Variants in PLCXD1 observed in about 807,000 individuals in gnomAD.
The protein encoded by PLCXD1 is PI-PLC X domain-containing protein 1.
A neutral mutation model predicts 37.8 loss-of-function variants in PLCXD1; 45 were observed. That is an observed-to-expected ratio of 1.19 (90% CI 0.94 to 1.53). The LOEUF (loss-of-function observed/expected upper bound fraction) is 1.53. PLCXD1 is among the 40% of genes most tolerant of loss of function. The probability of loss-of-function intolerance (pLI) is 0.00; values close to 1 mark genes in which losing one functional copy is unlikely to be tolerated. For synonymous variants in PLCXD1, 246 were observed against 206.9 expected, an observed-to-expected ratio of 1.19 and a Z score of -1.62; for missense variants, 539 against 454.7, an observed-to-expected ratio of 1.19 and a Z score of -1.69.
chrX:281,159 G>T (rs1398845604), upstream of PLCXD1: 1 of 198,466 alleles, frequency 5.0e-6, no homozygotes, highest in Admixed American at 6.1e-5. Context: ...AGGCGGAGCG[G>T]GGGGCGTGCA....
intron 6 of PLCXD1, among the ~76,000 whole-genome samples, chrX:297,014 A>C (rs28662457): frequency 0.064 from 1,632 of 25,342 alleles, 378 homozygotes; most frequent in African/African-American, 0.18. Context: ...ATCTTTGGGG[A>C]CATTATCCTG....
upstream of PLCXD1, among the ~76,000 whole-genome samples, chrX:278,618 A>C: frequency 6.6e-6 from 1 of 151,478 alleles, no homozygotes; most frequent in East Asian, 2.0e-4. Context: ...GGGCGCCTGT[A>C]GTCCCAGCTA....
chrX:281,240 C>A, upstream of PLCXD1: 1 of 228,572 alleles, frequency 4.4e-6, no homozygotes, highest in Non-Finnish European at 8.8e-6. Context: ...TCCTGGGGAC[C>A]CGGAGCCGCG....
At chrX:290,549 G>C in intron 3 of PLCXD1, 99 bp from the exon 4 acceptor site, 1 of 1,295,120 alleles carries the variant, frequency 7.7e-7, no homozygotes, top group Admixed American at 1.9e-5. Flanking sequence ...GTCCCAGTGG[G>C]CAGCAGGACA....
At chrX:292,066 C>T (rs1352933940) in intron 5 of PLCXD1, among the ~76,000 whole-genome samples, 4 of 152,090 alleles carry the variant, frequency 2.6e-5, no homozygotes, top group Non-Finnish European at 5.9e-5. Flanking sequence ...CTTTGGGAGG[C>T]CGAGGCGGGC....
intron 2 of PLCXD1, among the ~76,000 whole-genome samples, chrX:284,866 G>A (rs1213457700): frequency 1.3e-5 from 2 of 152,214 alleles, no homozygotes; most frequent in African/African-American, 4.8e-5. Flanking sequence ...CCAACAGAGC[G>A]TGTGCTGGAG....
intron 3 of PLCXD1, 139 bp downstream of exon 3, chrX:289,008 C>T (rs2069544599): frequency 1.3e-6 from 1 of 769,710 alleles, no homozygotes; most frequent in East Asian, 2.6e-5. Flanking sequence ...CCTATCCCAG[C>T]TGCGGAGACA....
At chrX:287,501 CTA>C (rs1248850784) in intron 2 of PLCXD1, among the ~76,000 whole-genome samples, 3,166 of 122,552 alleles carry the variant, frequency 0.026, 75 homozygotes, top group African/African-American at 0.096. Context: ...GATATAGATA[CTA>C]TATATGTTTA....
At chrX:278,123 G>T (rs1221387292), upstream of PLCXD1, among the ~76,000 whole-genome samples, 1 of 120,290 alleles carries the variant, frequency 8.3e-6, no homozygotes, top group Non-Finnish European at 1.7e-5. Flanking sequence ...CAGGTGTGGG[G>T]ACAGGAGTGG....
chrX:280,336 G>GGGCAGC (rs1168681944), upstream of PLCXD1, among the ~76,000 whole-genome samples: 3 of 95,614 alleles, frequency 3.1e-5, no homozygotes, highest in South Asian at 3.6e-4. Context: ...GCAGGGGGAG[G>GGGCAGC]GGAGGCCGTG....
rs767151387 is a variant in PLCXD1 at position 282,059 on chromosome X, C to T, written c.-22+375C>T. 2.4e-4 allele frequency among the ~76,000 whole-genome samples: 36 copies of T among 152,228 alleles called. 1 individual carries two copies. Among genetic ancestry groups the T allele is most frequent in the Middle Eastern group, 3.4e-3 (1 of 294 alleles). On this transcript the variant is annotated intron_variant, in intron 1 of 6. Transcript: ENST00000381657. Reference sequence around the variant, plus strand: ...CACCGTGCCCGGCCCCTCCAGGTCTCATTTCTAAGAGGAGGCCTCAGGTCC... The same window carrying T: ...CACCGTGCCCGGCCCCTCCAGGTCTTATTTCTAAGAGGAGGCCTCAGGTCC...
rs759751025 is a variant in PLCXD1, at chrX:289,940, C to T, written c.265-708C>T. On this transcript the variant is annotated intron_variant, in intron 3 of 6. Transcript: ENST00000381657. ...CCCTGGGAAACAGGGAGACAGGCCC[C>T]TTTCTCCCTAATAATCACATTCATT... Among the ~76,000 whole-genome samples, 18 of 152,276 alleles carry T rather than the reference C, an allele frequency of 1.2e-4. No individual in the cohort carries two copies. In the East Asian group the frequency reaches 2.3e-3, roughly 20 times the overall value.
At chrX:283,013 A>T (rs1195128440) in intron 1 of PLCXD1, 1 of 146,328 alleles carries the variant, frequency 6.8e-6, no homozygotes, top group Admixed American at 7.0e-5. Flanking sequence ...TATATATGTT[A>T]TATATATGTT....
At chrX:287,197 GTA>G (rs2069472262) in intron 2 of PLCXD1, among the ~76,000 whole-genome samples, 1 of 147,230 alleles carries the variant, frequency 6.8e-6, no homozygotes, top group African/African-American at 2.5e-5. Context: ...ATATGTAAGT[GTA>G]CATATTTATA....
Position 290,846 on chromosome X carries a change from CGGGCTG to C in PLCXD1, c.393+71_393+76del, listed in dbSNP as rs1569564511. ...GGCCGGGCACTGGTGCAGGTGCGGC[CGGGCTG>C]AGGTGGGAAGCAAGGGGGACAGCGG... On this transcript the variant is annotated intron_variant, in intron 4 of 6. Coordinates refer to ENST00000381657, the MANE Select transcript of PLCXD1 (RefSeq NM_018390.4). 1.9e-4 allele frequency: 243 copies of C among 1,308,914 alleles called. 3 individuals carry two copies. The highest frequency in any genetic ancestry group is 2.4e-4 in the Non-Finnish European group (228 of 969,756). The allele number at this position is 1,308,914 out of a possible 1,614,324, so 81.1% of individuals were successfully genotyped here. A position where few individuals can be genotyped will look rare whatever the true frequency, so the allele number is the denominator to read the frequency against.
At chrX:293,004 C>G in intron 5 of PLCXD1, 31 bp from the exon 6 acceptor site, 1 of 1,554,232 alleles carries the variant, frequency 6.4e-7, no homozygotes, top group Admixed American at 1.8e-5. Flanking sequence ...CTCCTCTCTC[C>G]CCTGCACCCC....
intron 5 of PLCXD1, among the ~76,000 whole-genome samples, chrX:292,760 G>C (rs1050373829): frequency 2.5e-4 from 38 of 151,894 alleles, no homozygotes; most frequent in African/African-American, 8.0e-4. Flanking sequence ...TGACAGGCGT[G>C]CACCACCGCA....
chrX:298,945 T>TTATAAGCAAA, intron 6 of PLCXD1, 152 bp from the exon 7 acceptor site: 2 of 669,576 alleles, frequency 3.0e-6, no homozygotes, highest in Admixed American at 4.6e-5. Flanking sequence ...CCACCACGCT[T>TTATAAGCAAA]TATAAGCAAA....
At chrX:285,640 C>T (rs1429902040) in intron 2 of PLCXD1, among the ~76,000 whole-genome samples, 10 of 151,962 alleles carry the variant, frequency 6.6e-5, no homozygotes, top group South Asian at 4.2e-4. Flanking sequence ...CATGCACACG[C>T]GTGTACACAC....
Sources: gnomAD v4.1 joint callset for allele counts (sites outside exome capture counted in the v4.1 genomes callset) on GRCh38, gnomAD v4.1.1 for gene constraint, MANE v1.5 for transcripts, NCBI Gene and HGNC (gene_info 2026-07-23, HGNC 2026-07-21) for gene names.